BBS9: variants seen among roughly 807,000 people sequenced by gnomAD.
BBS9 encodes the protein protein PTHB1.
BBS9 carries 89 observed loss-of-function variants against 117.7 expected under a neutral mutation model. The observed-to-expected ratio is 0.76, with a 90% CI of 0.64 to 0.90. The LOEUF is 0.90. BBS9 is among the 40% of genes least tolerant of loss of function. The pLI is 0.00. For missense variants in BBS9, 982 were observed against 1,042.2 expected (o/e 0.94, Z 0.80); for synonymous variants, 379 against 370.9 (o/e 1.02, Z -0.25).
chr7:33,310,133 C>G (rs999041803), intron 9 of BBS9, among the ~76,000 whole-genome samples: 2 of 152,194 alleles, frequency 1.3e-5, no homozygotes, highest in South Asian at 2.1e-4. Context: ...TCAATCACCC[C>G]ACAAAATTCA....
chr7:33,554,605 G>A (rs1424682362), intron 21 of BBS9, among the ~76,000 whole-genome samples: 1 of 152,170 alleles, frequency 6.6e-6, no homozygotes, highest in Non-Finnish European at 1.5e-5. Context: ...GTGTGTATGT[G>A]AGTTGGGGAG....
At chr7:33,501,301 C>T (rs553780680) in intron 19 of BBS9, among the ~76,000 whole-genome samples, 1 of 152,272 alleles carries the variant, frequency 6.6e-6, no homozygotes, top group Non-Finnish European at 1.5e-5. Flanking sequence ...TTGGCTGTTA[C>T]GTGTAAAACT....
intron 6 of BBS9, among the ~76,000 whole-genome samples, chr7:33,259,161 T>C (rs1797562857): frequency 6.6e-6 from 1 of 152,234 alleles, no homozygotes; most frequent in African/African-American, 2.4e-5. Context: ...GTTTGTTCTT[T>C]TGAGGCTTTA....
chr7:33,144,156 T>C (rs1791980293), intron 1 of BBS9, among the ~76,000 whole-genome samples: 1 of 152,216 alleles, frequency 6.6e-6, no homozygotes. Flanking sequence ...ATGGTTAACA[T>C]GTGGTGGCAC....
At chr7:33,172,729 T>C (rs2128151002) in intron 4 of BBS9, among the ~76,000 whole-genome samples, 1 of 152,338 alleles carries the variant, frequency 6.6e-6, no homozygotes, top group South Asian at 2.1e-4. Flanking sequence ...GCAACAAATT[T>C]GCATTTCTAA....
Position 33,384,528 on chromosome 7 carries a change from A to T in BBS9, c.1962+690A>T, listed in dbSNP as rs544478849. ...GTGAGTGGATTTGACAGTGACAGTC[A>T]TAGTTTTTTTAAAAGTCCCATGTAT... On this transcript the variant is annotated intron_variant, in intron 18 of 22. Coordinates refer to ENST00000242067, the MANE Select transcript of BBS9 (RefSeq NM_198428.3). 3.3e-5 allele frequency among the ~76,000 whole-genome samples: 5 copies of T among 152,296 alleles called. No individual in the cohort carries two copies. The South Asian group carries it at 1.0e-3, about 32-fold the overall frequency.
At chr7:33,478,254 T>C (rs945197512) in intron 19 of BBS9, among the ~76,000 whole-genome samples, 13 of 152,152 alleles carry the variant, frequency 8.5e-5, no homozygotes, top group African/African-American at 3.1e-4. Context: ...CATAAAAACA[T>C]GCAAAATGTT....
chr7:33,237,331 C>T (rs1183652554), intron 5 of BBS9, among the ~76,000 whole-genome samples: 2 of 152,116 alleles, frequency 1.3e-5, no homozygotes, highest in Admixed American at 6.5e-5. Context: ...GACTTTTGTT[C>T]TTCTTTGAGC....
chr7:33,534,317 C>T (rs1851039779), intron 21 of BBS9, 141 bp downstream of exon 21: 3 of 864,616 alleles, frequency 3.5e-6, no homozygotes, highest in South Asian at 1.4e-5. Context: ...TCCCCTCTGA[C>T]ATCCCAGGGT....
intron 9 of BBS9, among the ~76,000 whole-genome samples, chr7:33,326,028 AATC>A (rs1164673587): frequency 6.6e-5 from 10 of 152,058 alleles, no homozygotes; most frequent in African/African-American, 2.2e-4. Context: ...AGGGCTCTAC[AATC>A]ATCAAGTGGT....
intron 9 of BBS9, among the ~76,000 whole-genome samples, chr7:33,309,257 C>T (rs1321122252): frequency 6.6e-6 from 1 of 152,100 alleles, no homozygotes; most frequent in Non-Finnish European, 1.5e-5. Flanking sequence ...GAATCACTAG[C>T]CTAGACTAAG....
In BBS9 at chr7:33,563,845, G is replaced by A. The variant is rs150895238; in HGVS notation, c.2521+29669G>A. On this transcript the variant is annotated intron_variant, in intron 21 of 22. Transcript: ENST00000242067. ...GCGCTAAAACAAAGTCATGAGATGC[G>A]AAGTGCGAGCTTCTTTGAACAGTGT... Among the ~76,000 whole-genome samples, 651 of 152,286 alleles carry A rather than the reference G, an allele frequency of 4.3e-3. 5 individuals are homozygous for A. Among genetic ancestry groups the A allele is most frequent in the African/African-American group, 0.015 (621 of 41,568 alleles).
intron 5 of BBS9, among the ~76,000 whole-genome samples, chr7:33,199,677 C>T (rs1420147): frequency 0.83 from 126,298 of 151,358 alleles, 52,695 homozygotes; most frequent in Admixed American, 0.87. Context: ...CACACATTTA[C>T]TGGCAATTTT....
At chr7:33,328,604 T>C (rs1813321155) in intron 9 of BBS9, among the ~76,000 whole-genome samples, 4 of 152,110 alleles carry the variant, frequency 2.6e-5, no homozygotes, top group African/African-American at 4.8e-5. Flanking sequence ...CTATTTAGGG[T>C]TTTAAGATTT....
chr7:33,240,564 A>G (rs1794327220), intron 5 of BBS9, among the ~76,000 whole-genome samples: 1 of 152,180 alleles, frequency 6.6e-6, no homozygotes, highest in South Asian at 2.1e-4. Flanking sequence ...TTGTTCTTCA[A>G]AAAATTTCTA....
chr7:33,328,422 C>G (rs1362609023), intron 9 of BBS9, among the ~76,000 whole-genome samples: 1 of 152,182 alleles, frequency 6.6e-6, no homozygotes, highest in Non-Finnish European at 1.5e-5. Flanking sequence ...ATAAAAATGT[C>G]TGAAATGATT....
At chr7:33,419,238 A>G (rs1832496559) in intron 19 of BBS9, among the ~76,000 whole-genome samples, 1 of 152,182 alleles carries the variant, frequency 6.6e-6, no homozygotes, top group Non-Finnish European at 1.5e-5. Context: ...TTTGCTAGTT[A>G]ATGAAAATAT....
intron 19 of BBS9, among the ~76,000 whole-genome samples, chr7:33,468,291 A>G (rs931391751): frequency 9.2e-5 from 14 of 152,110 alleles, no homozygotes; most frequent in African/African-American, 1.7e-4. Flanking sequence ...AAACTGTTCT[A>G]ATGGCTTCAT....
chr7:33,175,306 AT>A (rs1241949864), intron 4 of BBS9, among the ~76,000 whole-genome samples: 3 of 151,914 alleles, frequency 2.0e-5, no homozygotes, highest in African/African-American at 7.3e-5. Context: ...TCTTTAAAAA[AT>A]AAAAATAAAA....
Sources: allele counts gnomAD v4.1 joint callset (sites outside exome capture counted in the v4.1 genomes callset), GRCh38; gene constraint gnomAD v4.1.1; transcripts MANE v1.5; gene names NCBI Gene and HGNC (gene_info 2026-07-23, HGNC 2026-07-21).